Variants in SLC6A14 observed in about 807,000 individuals in gnomAD.
SLC6A14 encodes the protein solute carrier family 6 member 14, also known as sodium- and chloride-dependent neutral and basic amino acid transporter B(0+).
A neutral mutation model predicts 51.4 loss-of-function variants in SLC6A14; 21 were observed. The ratio of observed to expected loss-of-function variants is 0.41; its 90% CI spans 0.29 to 0.59. SLC6A14 has a LOEUF of 0.59. SLC6A14 is among the 20% of genes least tolerant of loss of function. The pLI, the probability that SLC6A14 is intolerant of heterozygous loss-of-function variation, is 0.31. For synonymous variants in SLC6A14, 177 were observed against 160.7 expected, an observed-to-expected ratio of 1.10 and a Z score of -0.77; for missense variants, 371 against 472.8, an observed-to-expected ratio of 0.78 and a Z score of 2.00.
chrX:116,438,268 C>T (rs902693622), intron 2 of SLC6A14, among the ~76,000 whole-genome samples: 2 of 111,742 alleles, frequency 1.8e-5, no homozygotes, highest in African/African-American at 3.2e-5. Flanking sequence ...CTAATTTATG[C>T]ATGTTTCTGT....
At chrX:116,454,260 T>C in intron 9 of SLC6A14, 64 bp from the exon 10 acceptor site, 2 of 642,323 alleles carry the variant, frequency 3.1e-6, no homozygotes, top group Non-Finnish European at 5.1e-6. Flanking sequence ...ATACATTGAA[T>C]TCTGTGATTA....
Position 116,443,806 on chromosome X carries a change from G to A in SLC6A14, c.656+16G>A. 2.6e-6 allele frequency: 3 copies of A among 1,139,086 alleles called. No homozygotes were observed. Among genetic ancestry groups the A allele is most frequent in the Non-Finnish European group, 3.5e-6 (3 of 849,511 alleles). The allele number at this position is 1,139,086 out of a possible 1,213,427, so 93.9% of individuals were successfully genotyped here. ...AATATTGGAAGTAAGTATACTAGAT[G>A]ATTTACTTTTAAGTAGATGTTATCT... On this transcript the variant is annotated intron_variant, in intron 5 of 13. Transcript: ENST00000598581.
chrX:116,448,487 A>G (rs1490058998), intron 7 of SLC6A14, among the ~76,000 whole-genome samples: 1 of 112,047 alleles, frequency 8.9e-6, no homozygotes, highest in East Asian at 2.8e-4. Flanking sequence ...AATAAAATGG[A>G]ACTTAGCATT....
chrX:116,457,485 T>C lies in SLC6A14; in HGVS notation c.1615-124T>C, dbSNP rs983042524. 6 of 516,706 alleles carry C rather than the reference T, an allele frequency of 1.2e-5. No individual in the cohort carries two copies. In the African/African-American group the frequency reaches 1.2e-4, roughly 10 times the overall value. 42.6% of individuals were successfully genotyped at this position (516,706 alleles called of 1,213,427 possible). The stretch of plus-strand genomic sequence containing the variant: ...CTTGTTACCTGATTATTTCAATTAT[T>C]TGAATATATTTTCATATTAACTATT... On this transcript the variant is annotated intron_variant, in intron 12 of 13. Coordinates refer to ENST00000598581, the MANE Select transcript of SLC6A14 (RefSeq NM_007231.5).
chrX:116,457,533 A>G, intron 12 of SLC6A14, 76 bp from the exon 13 acceptor site: 1 of 791,564 alleles, frequency 1.3e-6, no homozygotes, highest in Non-Finnish European at 1.8e-6. Flanking sequence ...CATCTGAGGA[A>G]CAGAATCAAA....
chrX:116,442,214 AC>A (rs1927612290), intron 3 of SLC6A14, among the ~76,000 whole-genome samples: 1 of 111,989 alleles, frequency 8.9e-6, no homozygotes, highest in Admixed American at 9.5e-5. Context: ...AATTACTCAG[AC>A]AGCATTAGCC....
chrX:116,458,240 G>T (rs1297578019), intron 13 of SLC6A14, among the ~76,000 whole-genome samples: 1 of 111,708 alleles, frequency 9.0e-6, no homozygotes, highest in Non-Finnish European at 1.9e-5. Context: ...CCAATCTAGA[G>T]CCTGAGTCAT....
chrX:116,458,220 T>A (rs147955443), intron 13 of SLC6A14, among the ~76,000 whole-genome samples: 1,149 of 111,746 alleles, frequency 0.01, 15 homozygotes, highest in African/African-American at 0.034. Context: ...GCCTGGTAAA[T>A]ATCTCGAACC....
At chrX:116,438,178 T>G (rs1181176264) in intron 2 of SLC6A14, among the ~76,000 whole-genome samples, 2 of 111,644 alleles carry the variant, frequency 1.8e-5, no homozygotes, top group Non-Finnish European at 3.8e-5. Flanking sequence ...AGGTATAAAC[T>G]TGATAAAAAG....
In SLC6A14 at chrX:116,441,051, T is replaced by A; in HGVS notation, c.300T>A (p.Ala100=). The change falls in exon 3 of 14, where the codon GCT becomes GCA. Residue 100 remains alanine (A), a synonymous_variant. Coordinates refer to ENST00000598581, the MANE Select transcript of SLC6A14 (RefSeq NM_007231.5). Reference sequence around the variant, plus strand: ...TGGAGTGTTCACTGGGACAATTTGCTAGCTTAGGTCCAGTTTCAGTTTGGA... The same window carrying A: ...TGGAGTGTTCACTGGGACAATTTGCAAGCTTAGGTCCAGTTTCAGTTTGGA... ...FFLECSLGQF[A]SLGPVSVWRI... 1 of 1,210,709 alleles carries A rather than the reference T, an allele frequency of 8.3e-7. No homozygotes were observed. Among genetic ancestry groups the A allele is most frequent in the Non-Finnish European group, 1.1e-6 (1 of 894,508 alleles).
At chrX:116,440,557 C>T (rs962144388) in intron 2 of SLC6A14, among the ~76,000 whole-genome samples, 1 of 111,786 alleles carries the variant, frequency 8.9e-6, no homozygotes, top group African/African-American at 3.3e-5. Flanking sequence ...TTATGACAAA[C>T]TGAGTTGGCA....
In SLC6A14 at chrX:116,454,337, A is replaced by T; in HGVS notation, c.1299A>T (p.Thr433=). The change falls in exon 10 of 14, where the codon ACA becomes ACT. Residue 433 remains threonine (T), a synonymous_variant. Coordinates refer to ENST00000598581, the MANE Select transcript of SLC6A14 (RefSeq NM_007231.5). ...CCCCCTCTGAAGAAACGATCACAACAACAATTCAAGATTTATTTCCCAAAG... is the reference window on the plus strand; with the variant it reads ...CCCCCTCTGAAGAAACGATCACAACTACAATTCAAGATTTATTTCCCAAAG... The part of the protein sequence containing the change: ...SQFASIETIT[T]TIQDLFPKVM... The T allele has an allele frequency of 1.7e-6, 2 of 1,189,866 alleles. No individual in the cohort carries two copies. Among genetic ancestry groups the T allele is most frequent in the Non-Finnish European group, 2.3e-6 (2 of 877,591 alleles).
chrX:116,440,466 A>G (rs1465856997), intron 2 of SLC6A14, among the ~76,000 whole-genome samples: 2 of 112,405 alleles, frequency 1.8e-5, no homozygotes, highest in African/African-American at 3.2e-5. Context: ...TAAAGGAGAA[A>G]GAAAGATAAC....
chrX:116,449,063 C>T (rs1416638971), intron 7 of SLC6A14, among the ~76,000 whole-genome samples: 2 of 110,822 alleles, frequency 1.8e-5, no homozygotes, highest in African/African-American at 6.6e-5. Flanking sequence ...TTGAGATCTC[C>T]AGGAGAGTAG....
chrX:116,455,567 A>AG, intron 12 of SLC6A14, 101 bp downstream of exon 12: 1 of 599,402 alleles, frequency 1.7e-6, no homozygotes, highest in Non-Finnish European at 2.6e-6. Context: ...AATTTTATAA[A>AG]GGAATGATTT....
rs1239862722 is a variant in SLC6A14 at position 116,446,764 on chromosome X, C to T, written c.813C>T (p.Phe271=). 3 of 1,201,400 alleles carry T rather than the reference C, an allele frequency of 2.5e-6. No homozygotes were observed. Among genetic ancestry groups the T allele is most frequent in the Middle Eastern group, 2.3e-4 (1 of 4,348 alleles). ...SGKVVYFTAL[F]PYVVLLILLV... is the part of the protein sequence containing the mutation. Reference sequence around the variant, plus strand: ...AGGTGGTATATTTTACAGCTCTTTTCCCCTATGTGGTCCTACTCATCCTGT... The same window carrying T: ...AGGTGGTATATTTTACAGCTCTTTTTCCCTATGTGGTCCTACTCATCCTGT... Residue 271 remains phenylalanine, a synonymous_variant, in exon 7 of 14, where the codon TTC becomes TTT. Transcript: ENST00000598581.
intron 7 of SLC6A14, among the ~76,000 whole-genome samples, chrX:116,448,564 A>T (rs1927761265): frequency 8.9e-6 from 1 of 111,920 alleles, no homozygotes; most frequent in Non-Finnish European, 1.9e-5. Context: ...AAACAGTAAG[A>T]TTTTATATAA....
At chrX:116,458,728 A>C (rs1927981139) in intron 13 of SLC6A14, 81 bp from the exon 14 acceptor site, 3 of 885,180 alleles carry the variant, frequency 3.4e-6, no homozygotes, top group Non-Finnish European at 4.5e-6. Context: ...AATTTAAAGG[A>C]AAGTACAGTT....
intron 13 of SLC6A14, among the ~76,000 whole-genome samples, chrX:116,458,003 T>A (rs1455174915): frequency 9.0e-6 from 1 of 111,696 alleles, no homozygotes; most frequent in African/African-American, 3.2e-5. Context: ...AAGCTCCTTG[T>A]GGGGAAAGTC....
Sources: gnomAD v4.1 joint callset for allele counts (sites outside exome capture counted in the v4.1 genomes callset) on GRCh38, gnomAD v4.1.1 for gene constraint, MANE v1.5 for transcripts, NCBI Gene and HGNC (gene_info 2026-07-23, HGNC 2026-07-21) for gene names.